Variants in DHX29 observed in about 807,000 individuals in gnomAD.
DHX29 encodes the protein ATP-dependent RNA helicase DHX29.
A neutral mutation model predicts 167.9 loss-of-function variants in DHX29; 79 were observed. The ratio of observed to expected loss-of-function variants is 0.47; its 90% CI spans 0.39 to 0.57. The LOEUF (loss-of-function observed/expected upper bound fraction) is 0.57, where lower values mean the gene tolerates loss of function less well. Ranked by LOEUF, DHX29 falls within the 20% of genes least tolerant of loss-of-function variation. The pLI is 0.00. For synonymous variants in DHX29, 530 were observed against 546.0 expected (o/e 0.97, Z 0.41); for missense variants, 1,347 against 1,593.4 (o/e 0.85, Z 2.63).
At chr5:55,299,658 CCCTTTCTCTGTGTCCAAATGTCCCTCT>C (rs1249775529) in intron 1 of DHX29, among the ~76,000 whole-genome samples, 1 of 152,108 alleles carries the variant, frequency 6.6e-6, no homozygotes, top group Non-Finnish European at 1.5e-5. Context: ...CGGCCTTCTT[CCCTTTCTCTGTGTCCAAATGTCCCTCT>C]CCTTTCTCTT....
chr5:55,261,672 A>G (rs1746323392), intron 24 of DHX29, among the ~76,000 whole-genome samples, 173 bp from the exon 25 acceptor site: 1 of 152,186 alleles, frequency 6.6e-6, no homozygotes, highest in Non-Finnish European at 1.5e-5. Context: ...ATTTTATAAT[A>G]ATTACTATTA....
chr5:55,275,688 T>G (rs1561146618), intron 14 of DHX29, among the ~76,000 whole-genome samples: 1 of 152,164 alleles, frequency 6.6e-6, no homozygotes, highest in Non-Finnish European at 1.5e-5. Flanking sequence ...TCATTGAGAC[T>G]AACTTCCCAG....
At chr5:55,290,494 T>A in intron 6 of DHX29, 150 bp from the exon 7 acceptor site, 1 of 995,340 alleles carries the variant, frequency 1.0e-6, no homozygotes, top group East Asian at 2.7e-5. Flanking sequence ...CATAGAGAAA[T>A]AAAACAAATG....
At position 55,299,670 on chromosome 5, in the gene DHX29, G is replaced by A. The variant is rs577562736; in HGVS notation, c.188-1006C>T. Among the ~76,000 whole-genome samples, 4 of 151,940 alleles carry A rather than the reference G, an allele frequency of 2.6e-5. No individual in the cohort carries two copies. In the East Asian group the frequency reaches 7.7e-4, roughly 29 times the overall value. On this transcript the variant is annotated intron_variant, in intron 1 of 26. Coordinates refer to ENST00000251636, the MANE Select transcript of DHX29 (RefSeq NM_019030.4). ...ACACGGCCTTCTTCCCTTTCTCTGTGTCCAAATGTCCCTCTCCTTTCTCTT... is the reference window on the plus strand; with the variant it reads ...ACACGGCCTTCTTCCCTTTCTCTGTATCCAAATGTCCCTCTCCTTTCTCTT...
chr5:55,288,060 T>G (rs1747834683), intron 8 of DHX29, among the ~76,000 whole-genome samples: 1 of 151,378 alleles, frequency 6.6e-6, no homozygotes, highest in South Asian at 2.1e-4. Flanking sequence ...CTGGTCAACA[T>G]GGCGAAACCC....
chr5:55,284,040 ATGTG>A (rs757421969), intron 10 of DHX29, among the ~76,000 whole-genome samples: 127 of 152,322 alleles, frequency 8.3e-4, no homozygotes, highest in South Asian at 2.5e-3. Flanking sequence ...TAATATATGT[ATGTG>A]TATGATGCAA....
intron 21 of DHX29, 86 bp downstream of exon 21, chr5:55,269,327 T>A (rs527571369): frequency 1.5e-6 from 2 of 1,351,748 alleles, no homozygotes; most frequent in East Asian, 2.4e-5. Flanking sequence ...GTTAAAAAAA[T>A]TTTTACTTAA....
chr5:55,290,493 A>T, intron 6 of DHX29, 149 bp from the exon 7 acceptor site: 1 of 992,070 alleles, frequency 1.0e-6, no homozygotes, highest in Non-Finnish European at 1.4e-6. Context: ...TCATAGAGAA[A>T]TAAAACAAAT....
chr5:55,266,095 G>A (rs946882381), intron 23 of DHX29, among the ~76,000 whole-genome samples: 3 of 151,896 alleles, frequency 2.0e-5, no homozygotes, highest in Non-Finnish European at 2.9e-5. Flanking sequence ...TGCCTCCCGG[G>A]TGCAAGCAAT....
chr5:55,270,709 A>G lies in DHX29; in HGVS notation c.2865-3T>C, dbSNP rs754612981. The G allele has an allele frequency of 2.2e-5, 35 of 1,609,218 alleles. No individual in the cohort carries two copies. The highest frequency in any genetic ancestry group is 2.8e-5 in the Non-Finnish European group (33 of 1,175,940). On this transcript the variant is annotated splice_region_variant and splice_polypyrimidine_tract_variant and intron_variant, in intron 18 of 26. Coordinates refer to ENST00000251636, the MANE Select transcript of DHX29 (RefSeq NM_019030.4). Reference sequence around the variant, plus strand: ...TCATCTGACTGCTTTCATGGTACCTAAAGAAATGTTTTAGGAGAGAATATG... The same window carrying G: ...TCATCTGACTGCTTTCATGGTACCTGAAGAAATGTTTTAGGAGAGAATATG...
At chr5:55,287,752 C>T (rs1747812583) in intron 8 of DHX29, among the ~76,000 whole-genome samples, 1 of 150,848 alleles carries the variant, frequency 6.6e-6, no homozygotes, top group African/African-American at 2.4e-5. Context: ...AGTTTGAGAC[C>T]AGCATGGCCA....
At chr5:55,287,069 T>C (rs909313397) in intron 8 of DHX29, among the ~76,000 whole-genome samples, 28 of 152,350 alleles carry the variant, frequency 1.8e-4, no homozygotes, top group Non-Finnish European at 2.8e-4. Flanking sequence ...GTATTGTATA[T>C]ATTTGAAGCT....
At chr5:55,260,984 G>A (rs1746289413) in intron 25 of DHX29, among the ~76,000 whole-genome samples, 1 of 152,144 alleles carries the variant, frequency 6.6e-6, no homozygotes, top group Non-Finnish European at 1.5e-5. Flanking sequence ...TGCTCTGTCA[G>A]TAACAATCCA....
At position 55,290,363 on chromosome 5, in the gene DHX29, TGAG is replaced by T; in HGVS notation, c.781-22_781-20del. ...TTTCATTCTGTTCCAAATAAAACAA[TGAG>T]GAGGGGGAAAAAAAAAGAAGAGCAA... On this transcript the variant is annotated intron_variant, in intron 6 of 26. Coordinates refer to ENST00000251636, the MANE Select transcript of DHX29 (RefSeq NM_019030.4). 1.3e-6 allele frequency: 2 copies of T among 1,561,458 alleles called. No individual in the cohort carries two copies. Among genetic ancestry groups the T allele is most frequent in the Non-Finnish European group, 1.7e-6 (2 of 1,161,564 alleles).
At chr5:55,282,886 G>C (rs1747505194) in intron 11 of DHX29, 1 of 181,504 alleles carries the variant, frequency 5.5e-6, no homozygotes, top group Non-Finnish European at 1.1e-5. Flanking sequence ...ATATATTTTA[G>C]TAGAATTTGA....
chr5:55,282,662 C>T (rs1229690116), intron 11 of DHX29, among the ~76,000 whole-genome samples: 1 of 152,146 alleles, frequency 6.6e-6, no homozygotes, highest in Non-Finnish European at 1.5e-5. Flanking sequence ...ACTTTGCCGT[C>T]ACTCTGGTTA....
chr5:55,269,792 G>A (rs980179452), intron 20 of DHX29, among the ~76,000 whole-genome samples, 155 bp from the exon 21 acceptor site: 1 of 151,642 alleles, frequency 6.6e-6, no homozygotes, highest in African/African-American at 2.4e-5. Context: ...TTTATAATGG[G>A]GGTAGAGGAG....
intron 26 of DHX29, among the ~76,000 whole-genome samples, chr5:55,259,440 T>G (rs1025194849): frequency 2.0e-5 from 3 of 152,166 alleles, no homozygotes; most frequent in South Asian, 2.1e-4. Flanking sequence ...TATTTCAGAT[T>G]TTCTCTTACA....
intron 23 of DHX29, among the ~76,000 whole-genome samples, chr5:55,265,141 T>C (rs986578191): frequency 3.4e-5 from 5 of 146,700 alleles, no homozygotes; most frequent in Admixed American, 1.4e-4. Flanking sequence ...ACTCTCTCAA[T>C]ATAACACCCA....
Sources: allele counts gnomAD v4.1 joint callset (sites outside exome capture counted in the v4.1 genomes callset), GRCh38; gene constraint gnomAD v4.1.1; transcripts MANE v1.5; gene names NCBI Gene and HGNC (gene_info 2026-07-23, HGNC 2026-07-21).